CATSPERD: variants seen among roughly 807,000 people sequenced by gnomAD.
CATSPERD encodes catsper channel auxiliary subunit delta, also known as cation channel sperm-associated auxiliary subunit delta.
Under a neutral mutation model 98.1 loss-of-function variants are expected in CATSPERD, and 86 were observed. The observed-to-expected ratio is 0.88, with a 90% CI of 0.74 to 1.05. CATSPERD has a LOEUF of 1.05. Ranked by LOEUF, CATSPERD falls within the 50% of genes least tolerant of loss-of-function variation. The pLI, the probability that CATSPERD is intolerant of heterozygous loss-of-function variation, is 0.00. For missense variants in CATSPERD, 995 were observed against 1,005.7 expected, an observed-to-expected ratio of 0.99 and a Z score of 0.14; for synonymous variants, 394 against 390.2, an observed-to-expected ratio of 1.01 and a Z score of -0.12.
In CATSPERD at chr19:5,722,351, G is replaced by A. The variant is rs149309132; in HGVS notation, c.71+1543G>A. Among the ~76,000 whole-genome samples, 1,232 of 152,234 alleles carry A rather than the reference G, an allele frequency of 8.1e-3. 20 individuals carry two copies. The highest frequency in any genetic ancestry group is 0.028 in the African/African-American group (1,154 of 41,534). On this transcript the variant is annotated intron_variant, in intron 1 of 21. Transcript: ENST00000381624. ...TTGCCCAGGTTGGTCTCGAACTCCTGACCTCGTGATTCACTTGCCTCGGCC... is the reference window on the plus strand; with the variant it reads ...TTGCCCAGGTTGGTCTCGAACTCCTAACCTCGTGATTCACTTGCCTCGGCC...
intron 15 of CATSPERD, among the ~76,000 whole-genome samples, chr19:5,761,018 GTTTT>G (rs1255689705): frequency 7.1e-6 from 1 of 140,936 alleles, no homozygotes; most frequent in African/African-American, 2.5e-5. Flanking sequence ...GTTTTGTGAA[GTTTT>G]TTTTATTTGT....
chr19:5,743,160 A>G (rs569353775), intron 7 of CATSPERD, among the ~76,000 whole-genome samples: 4 of 151,964 alleles, frequency 2.6e-5, no homozygotes, highest in Non-Finnish European at 5.9e-5. Flanking sequence ...AAAATTAGCC[A>G]GGTGTGGTGG....
chr19:5,744,410 TTC>T lies in CATSPERD; in HGVS notation c.574-15_574-14del, dbSNP rs2056055949. The T allele has an allele frequency of 6.2e-7, 1 of 1,602,944 alleles. No homozygotes were observed. The highest frequency in any genetic ancestry group is 1.3e-5 in the African/African-American group (1 of 74,508). ...TTAAGATTTATTCATCTGAAGTCTT[TTC>T]TGTTTGTTTCATAGGCAGAAATCAT... On this transcript the variant is annotated splice_polypyrimidine_tract_variant and intron_variant, in intron 7 of 21. Coordinates refer to ENST00000381624, the MANE Select transcript of CATSPERD (RefSeq NM_152784.4).
chr19:5,758,508 A>G (rs2056369688), intron 14 of CATSPERD, among the ~76,000 whole-genome samples: 2 of 150,658 alleles, frequency 1.3e-5, no homozygotes, highest in Non-Finnish European at 2.9e-5. Context: ...TGGGTGGATC[A>G]CTTGAGGTCA....
intron 15 of CATSPERD, among the ~76,000 whole-genome samples, chr19:5,762,058 A>ATATATATATATATATTTT: frequency 9.6e-5 from 1 of 10,438 alleles, no homozygotes. Context: ...ATATATATAT[A>ATATATATATATATATTTT]TTTTTTTTTT....
rs949915718 is a variant in CATSPERD, at chr19:5,729,855, T to C, written c.204-17T>C. 3 of 1,466,432 alleles carry C rather than the reference T, an allele frequency of 2.0e-6. No homozygotes were observed. The highest frequency in any genetic ancestry group is 1.4e-5 in the African/African-American group (1 of 71,770). The allele number at this position is 1,466,432 out of a possible 1,614,324, so 90.8% of individuals were successfully genotyped here. A position where few individuals can be genotyped will look rare whatever the true frequency, so the allele number is the denominator to read the frequency against. On this transcript the variant is annotated splice_polypyrimidine_tract_variant and intron_variant, in intron 3 of 21. Transcript: ENST00000381624. ...TGTGACATTATCCTAATTTAACTTA[T>C]TTATTGTTTATTTCAGGAAACAAGT... is the stretch of plus-strand genomic sequence containing the variant.
intron 4 of CATSPERD, among the ~76,000 whole-genome samples, chr19:5,731,569 T>TG (rs2055721353): frequency 8.7e-6 from 1 of 115,292 alleles, no homozygotes; most frequent in Admixed American, 8.8e-5. Flanking sequence ...AGTTTTTTTT[T>TG]TTTTTTTTTT....
intron 11 of CATSPERD, among the ~76,000 whole-genome samples, chr19:5,750,450 C>CAA (rs60496454): frequency 0.44 from 21,486 of 48,526 alleles, 5,267 homozygotes; most frequent in East Asian, 0.79. Context: ...GACTCTGTCT[C>CAA]AAAAAAAAAA....
intron 7 of CATSPERD, 45 bp downstream of exon 7, chr19:5,739,484 C>A: frequency 9.0e-7 from 1 of 1,105,690 alleles, no homozygotes; most frequent in Non-Finnish European, 1.3e-6. Flanking sequence ...ACATATGTAC[C>A]TTGTGATTGT....
intron 1 of CATSPERD, among the ~76,000 whole-genome samples, chr19:5,723,484 A>T (rs1231676407): frequency 7.5e-5 from 5 of 66,324 alleles, no homozygotes; most frequent in Middle Eastern, 0.014. Flanking sequence ...TTTTTTTTTG[A>T]GACGGAGTCT....
chr19:5,769,572 C>T lies in CATSPERD; in HGVS notation c.1634+1330C>T, dbSNP rs73920056. On this transcript the variant is annotated intron_variant, in intron 18 of 21. Coordinates refer to ENST00000381624, the MANE Select transcript of CATSPERD (RefSeq NM_152784.4). ...CCCAGCATGAGGGAGCTCCTTGCCACGCGAGTGCACACTTCCATGTGATTT... is the reference window on the plus strand; with the variant it reads ...CCCAGCATGAGGGAGCTCCTTGCCATGCGAGTGCACACTTCCATGTGATTT... Among the ~76,000 whole-genome samples the T allele has an allele frequency of 3.1e-3, 466 of 152,142 alleles. 5 individuals carry two copies. The highest frequency in any genetic ancestry group is 0.011 in the African/African-American group (453 of 41,504).
chr19:5,753,263 A>G (rs1317935898), intron 12 of CATSPERD, among the ~76,000 whole-genome samples: 1 of 151,946 alleles, frequency 6.6e-6, no homozygotes, highest in Admixed American at 6.6e-5. Flanking sequence ...CTCTACTCTA[A>G]AGAAACAGAA....
At chr19:5,750,094 G>A (rs1039664651) in intron 11 of CATSPERD, among the ~76,000 whole-genome samples, 4 of 145,576 alleles carry the variant, frequency 2.7e-5, no homozygotes, top group Non-Finnish European at 3.0e-5. Flanking sequence ...GTGAGCCACC[G>A]CGCCCGGCCG....
In CATSPERD at chr19:5,773,900, G is replaced by C. The variant is rs964218635; in HGVS notation, c.1941+935G>C. ...GTATCTTCCCGGGACACAATGTTTT[G>C]TATCAGGAATGCAGTGCATGCAGCA... On this transcript the variant is annotated intron_variant, in intron 20 of 21. Coordinates refer to ENST00000381624, the MANE Select transcript of CATSPERD (RefSeq NM_152784.4). Among the ~76,000 whole-genome samples the C allele has an allele frequency of 2.0e-5, 3 of 151,278 alleles. No individual in the cohort carries two copies. The South Asian group carries it at 6.3e-4, about 32-fold the overall frequency.
intron 8 of CATSPERD, among the ~76,000 whole-genome samples, chr19:5,745,212 C>G (rs1018191713): frequency 3.3e-5 from 5 of 152,110 alleles, no homozygotes; most frequent in Non-Finnish European, 7.4e-5. Context: ...CGGCCTCCCC[C>G]AGTGCTGAGA....
intron 18 of CATSPERD, among the ~76,000 whole-genome samples, chr19:5,768,788 A>T (rs1251076044): frequency 1.3e-5 from 2 of 152,044 alleles, no homozygotes; most frequent in Non-Finnish European, 2.9e-5. Context: ...CTCAGTGAGC[A>T]TGTACTGCCA....
Position 5,772,766 on chromosome 19 carries a change from C to G in CATSPERD, c.1764-22C>G. On this transcript the variant is annotated intron_variant, in intron 19 of 21. Transcript: ENST00000381624. ...GGTTGTCCCTGCTCCCTGCACAGCC[C>G]TGCCCCGTGCCTGTGTCCTAGGTGG... The G allele has an allele frequency of 2.5e-6, 4 of 1,609,406 alleles. No homozygotes were observed. The Admixed American group carries it at 6.7e-5, about 27-fold the overall frequency.
intron 16 of CATSPERD, among the ~76,000 whole-genome samples, chr19:5,765,463 T>C (rs986165887): frequency 4.6e-5 from 7 of 151,778 alleles, no homozygotes; most frequent in Non-Finnish European, 8.8e-5. Context: ...CATACATGCA[T>C]GCGTGCATTT....
In CATSPERD at chr19:5,757,872, G is replaced by A. The variant is rs1568363684; in HGVS notation, c.1308G>A (p.Gly436=). ...TGGTGAGCAACCCCCACTCCCTGGG[G>A]TTCCAGGCCACCTTCTACGAGAACG... is the stretch of plus-strand genomic sequence containing the variant. ...LVMVSNPHSL[G]FQATFYENGY... The change falls in exon 14 of 22, where the codon GGG becomes GGA. Residue 436 remains glycine, a synonymous_variant. Coordinates refer to ENST00000381624, the MANE Select transcript of CATSPERD (RefSeq NM_152784.4). 6 of 1,613,214 alleles carry A rather than the reference G, an allele frequency of 3.7e-6. No homozygotes were observed. The highest frequency in any genetic ancestry group is 5.1e-6 in the Non-Finnish European group (6 of 1,179,754).
Sources: gnomAD v4.1 joint callset for allele counts (sites outside exome capture counted in the v4.1 genomes callset) on GRCh38, gnomAD v4.1.1 for gene constraint, MANE v1.5 for transcripts, NCBI Gene and HGNC (gene_info 2026-07-23, HGNC 2026-07-21) for gene names.